The following MYO1D variants were observed in gnomAD, a reference collection of about 807,000 sequenced individuals.
MYO1D encodes the protein myosin ID.
Under a neutral mutation model 122.0 loss-of-function variants are expected in MYO1D, and 83 were observed. The ratio of observed to expected loss-of-function variants is 0.68; its 90% CI spans 0.57 to 0.82. The LOEUF (loss-of-function observed/expected upper bound fraction) is 0.82, where lower values mean the gene tolerates loss of function less well. MYO1D is among the 40% of genes least tolerant of loss of function. The pLI is 0.00. For synonymous variants in MYO1D, 464 were observed against 446.9 expected (o/e 1.04, Z -0.48); for missense variants, 1,157 against 1,269.5 (o/e 0.91, Z 1.35).
intron 20 of MYO1D, among the ~76,000 whole-genome samples, chr17:32,617,842 A>G (rs776863664): frequency 2.0e-5 from 3 of 152,226 alleles, no homozygotes; most frequent in Non-Finnish European, 2.9e-5. Flanking sequence ...TGGGATAACT[A>G]AGAATTAATT....
chr17:32,580,337 A>T (rs1597909288), intron 21 of MYO1D, among the ~76,000 whole-genome samples: 2 of 59,274 alleles, frequency 3.4e-5, no homozygotes, highest in East Asian at 7.0e-4. Context: ...CCAGAAATGG[A>T]TGCCGGATTT....
intron 16 of MYO1D, among the ~76,000 whole-genome samples, chr17:32,708,745 C>T (rs1018843722): frequency 1.3e-5 from 2 of 152,138 alleles, no homozygotes; most frequent in Non-Finnish European, 2.9e-5. Context: ...ACTCCACTGC[C>T]TCATGGTGAA....
At chr17:32,842,886 C>CTTTTTTTTT (rs34927176) in intron 1 of MYO1D, among the ~76,000 whole-genome samples, 26 of 104,446 alleles carry the variant, frequency 2.5e-4, no homozygotes, top group Non-Finnish European at 3.6e-4. Flanking sequence ...CTATTTCTTT[C>CTTTTTTTTT]TTTTTTTTTT....
chr17:32,632,562 A>AATAT (rs1445735906), intron 20 of MYO1D: 1 of 61,448 alleles, frequency 1.6e-5, no homozygotes, highest in Non-Finnish European at 3.0e-5. Flanking sequence ...AAACTTAAGT[A>AATAT]CTATATATAT....
chr17:32,779,910 G>C (rs1277951502), intron 2 of MYO1D, among the ~76,000 whole-genome samples: 2 of 152,140 alleles, frequency 1.3e-5, no homozygotes, highest in Non-Finnish European at 2.9e-5. Flanking sequence ...GCAAATGTGA[G>C]GTATTATTAG....
intron 7 of MYO1D, 28 bp from the exon 8 acceptor site, chr17:32,765,109 AT>A: frequency 6.6e-7 from 1 of 1,522,162 alleles, no homozygotes; most frequent in East Asian, 2.3e-5. Context: ...AAAATAACAC[AT>A]TATGAAACAT....
intron 20 of MYO1D, among the ~76,000 whole-genome samples, chr17:32,618,257 A>G (rs1046225855): frequency 6.6e-6 from 1 of 152,242 alleles, no homozygotes; most frequent in Admixed American, 6.5e-5. Flanking sequence ...ATTGATCAAC[A>G]TTATTCAGGT....
chr17:32,760,128 TA>T, intron 10 of MYO1D, 161 bp downstream of exon 10: 1 of 768,708 alleles, frequency 1.3e-6, no homozygotes, highest in Non-Finnish European at 2.3e-6. Context: ...CAATCCCACC[TA>T]AAAATGATGA....
chr17:32,568,895 A>C lies in MYO1D; in HGVS notation c.2864+36192T>G, dbSNP rs1597903074. ...AGGTCCAGCCTCTATGCTCCTATGC[A>C]TCTTGACTGGACACAGTCATCATTT... is the stretch of plus-strand genomic sequence containing the variant. On this transcript the variant is annotated intron_variant, in intron 21 of 21. Transcript: ENST00000318217. 7.2e-5 allele frequency among the ~76,000 whole-genome samples: 11 copies of C among 152,338 alleles called. No homozygotes were observed. In the South Asian group the frequency reaches 2.3e-3, roughly 32 times the overall value.
intron 20 of MYO1D, among the ~76,000 whole-genome samples, chr17:32,608,400 A>T (rs1223139432): frequency 6.6e-6 from 1 of 152,230 alleles, no homozygotes; most frequent in Non-Finnish European, 1.5e-5. Context: ...GCCATTAGGG[A>T]AATGCAAACT....
chr17:32,794,784 A>G (rs1429148008), intron 1 of MYO1D, among the ~76,000 whole-genome samples: 1 of 152,122 alleles, frequency 6.6e-6, no homozygotes, highest in Non-Finnish European at 1.5e-5. Context: ...GCAAGGCCTT[A>G]GGGCTTGTGG....
chr17:32,822,913 A>G (rs563367311), intron 1 of MYO1D, among the ~76,000 whole-genome samples: 45 of 152,110 alleles, frequency 3.0e-4, no homozygotes, highest in Non-Finnish European at 5.3e-4. Context: ...GCACACCAAC[A>G]TGGCACATGT....
intron 19 of MYO1D, among the ~76,000 whole-genome samples, chr17:32,642,930 T>C (rs2088225645): frequency 6.6e-6 from 1 of 152,214 alleles, no homozygotes; most frequent in Admixed American, 6.5e-5. Flanking sequence ...TTCTCCTGCC[T>C]GATTGCCCTG....
In MYO1D at chr17:32,605,114, A is replaced by G. The variant is rs1465044852; in HGVS notation, c.2837T>C (p.Val946Ala). 1.2e-6 allele frequency: 2 copies of G among 1,602,186 alleles called. No homozygotes were observed. The highest frequency in any genetic ancestry group is 1.7e-5 in the Admixed American group (1 of 59,820). ...PTHESRIGEL[V>A]GVLVNHFKSE... ...CTTGAAATGATTCACCAGCACTCCA[A>G]CAAGTTCTCCAATTCGACTCTCATG... The change falls in exon 21 of 22, where the codon GTT becomes GCT. Residue 946 changes from valine (V) to alanine (A), a missense_variant. By Grantham distance (64) the Val-to-Ala change is moderately conservative (BLOSUM62 0). Coordinates refer to ENST00000318217, the MANE Select transcript of MYO1D (RefSeq NM_015194.3).
At chr17:32,674,764 C>G (rs1271290299) in intron 16 of MYO1D, among the ~76,000 whole-genome samples, 1 of 152,136 alleles carries the variant, frequency 6.6e-6, no homozygotes, top group African/African-American at 2.4e-5. Context: ...AGTAGCCTGG[C>G]TCTTGTTGTA....
intron 21 of MYO1D, among the ~76,000 whole-genome samples, chr17:32,566,264 C>T (rs535421531): frequency 5.0e-4 from 76 of 152,172 alleles, no homozygotes; most frequent in Admixed American, 2.1e-3. Flanking sequence ...TGCTAGAAGA[C>T]GACACTAACA....
At position 32,758,628 on chromosome 17, in the gene MYO1D, C is replaced by T. The variant is rs535590648; in HGVS notation, c.1296+1662G>A. On this transcript the variant is annotated intron_variant, in intron 10 of 21. Coordinates refer to ENST00000318217, the MANE Select transcript of MYO1D (RefSeq NM_015194.3). Reference sequence around the variant, plus strand: ...GCATAAGACTGGCAATCAACTGGTACGTGTTAAAGCCAGGTGATGGGTATA... The same window carrying T: ...GCATAAGACTGGCAATCAACTGGTATGTGTTAAAGCCAGGTGATGGGTATA... Among the ~76,000 whole-genome samples, 79 of 152,160 alleles carry T rather than the reference C, an allele frequency of 5.2e-4. No homozygotes were observed. In the South Asian group the frequency reaches 0.01, roughly 20 times the overall value.
At chr17:32,625,339 T>C (rs1045197364) in intron 20 of MYO1D, among the ~76,000 whole-genome samples, 3 of 152,162 alleles carry the variant, frequency 2.0e-5, no homozygotes, top group African/African-American at 4.8e-5. Context: ...ATACCTAATT[T>C]TGTGGCTACC....
Position 32,876,898 on chromosome 17 carries a change from G to T in MYO1D, c.-26C>A, listed in dbSNP as rs2091239260. ...GGCGCCAGCGCGGGGGCTCAGGTGG[G>T]CGCGCTCGGGCCTCCGGGGCCGCTC... On this transcript the variant is annotated 5_prime_UTR_variant, in exon 1 of 22. Transcript: ENST00000318217. 1 of 1,427,144 alleles carries T rather than the reference G, an allele frequency of 7.0e-7. No homozygotes were observed. Among genetic ancestry groups the T allele is most frequent in the East Asian group, 3.1e-5 (1 of 32,144 alleles). 88.4% of individuals were successfully genotyped at this position (1,427,144 alleles called of 1,614,324 possible).
Sources: allele counts gnomAD v4.1 joint callset (sites outside exome capture counted in the v4.1 genomes callset), GRCh38; gene constraint gnomAD v4.1.1; transcripts MANE v1.5; gene names NCBI Gene and HGNC (gene_info 2026-07-23, HGNC 2026-07-21).